Variants in PIEZO2 observed in about 807,000 individuals in gnomAD.
PIEZO2 encodes piezo type mechanosensitive ion channel component 2, also known as piezo-type mechanosensitive ion channel component 2.
Under a neutral mutation model 337.3 loss-of-function variants are expected in PIEZO2, and 172 were observed. The ratio of observed to expected loss-of-function variants is 0.51; its 90% CI spans 0.45 to 0.58. The LOEUF is 0.58. Among genes scored for constraint, PIEZO2 ranks in the 20% least tolerant of loss-of-function variants. The pLI is 0.00. For synonymous variants in PIEZO2, 1,251 were observed against 1,228.5 expected, an observed-to-expected ratio of 1.02 and a Z score of -0.38; for missense variants, 3,028 against 3,391.3, an observed-to-expected ratio of 0.89 and a Z score of 2.66.
chr18:11,068,239 G>A (rs1056358023), intron 1 of PIEZO2, among the ~76,000 whole-genome samples: 1 of 152,118 alleles, frequency 6.6e-6, no homozygotes, highest in Non-Finnish European at 1.5e-5. Context: ...TTCTTCTTAA[G>A]CACACATGGA....
chr18:10,691,096 G>T, intron 48 of PIEZO2, 129 bp downstream of exon 48: 1 of 1,104,010 alleles, frequency 9.1e-7, no homozygotes, highest in East Asian at 2.4e-5. Context: ...TGCCAACATC[G>T]TAAGAGTTCC....
chr18:11,100,991 T>C (rs1028974912), intron 1 of PIEZO2, among the ~76,000 whole-genome samples: 2 of 152,170 alleles, frequency 1.3e-5, no homozygotes, highest in Non-Finnish European at 2.9e-5. Context: ...CAGGGGGTCA[T>C]AGTTAACTCA....
At chr18:11,061,997 G>A (rs143794380) in intron 2 of PIEZO2, among the ~76,000 whole-genome samples, 98,834 of 151,908 alleles carry the variant, frequency 0.65, 32,821 homozygotes, top group East Asian at 0.97. Flanking sequence ...CATGCTACCT[G>A]ACTTCGAACT....
chr18:10,729,092 G>A (rs2036661592), intron 36 of PIEZO2, among the ~76,000 whole-genome samples: 1 of 152,096 alleles, frequency 6.6e-6, no homozygotes. Flanking sequence ...TGAGGTGACT[G>A]GGTTGGGGCA....
At chr18:10,995,009 T>C (rs570498925) in intron 2 of PIEZO2, among the ~76,000 whole-genome samples, 1 of 142,084 alleles carries the variant, frequency 7.0e-6, no homozygotes, top group African/African-American at 2.7e-5. Flanking sequence ...GAGGCGGAGG[T>C]TGCAGATCTC....
intron 39 of PIEZO2, 87 bp downstream of exon 39, chr18:10,714,677 C>A: frequency 7.0e-7 from 1 of 1,437,182 alleles, no homozygotes; most frequent in South Asian, 1.4e-5. Context: ...GATGAACTTT[C>A]ACCTCACACA....
Position 11,148,518 on chromosome 18 carries a change from G to A in PIEZO2, c.64+7C>T, listed in dbSNP as rs977255477. The A allele has an allele frequency of 9.1e-6, 14 of 1,537,092 alleles. No homozygotes were observed. The African/African-American group carries it at 1.9e-4, about 21-fold the overall frequency. On this transcript the variant is annotated splice_region_variant and intron_variant, in intron 1 of 55. Coordinates refer to ENST00000674853, the MANE Select transcript of PIEZO2 (RefSeq NM_001378183.1). This position sits in a 1 kb window ranked among gnomAD's most constrained non-coding sequence, Gnocchi z 5.2. ...TCAAGTGCCCTCGGAAAGCGGACCA[G>A]ACTCACCTACTGCCAGGCAGATGGG...
chr18:10,720,627 G>GA (rs987600306), intron 36 of PIEZO2, among the ~76,000 whole-genome samples: 2 of 150,534 alleles, frequency 1.3e-5, no homozygotes, highest in Non-Finnish European at 3.0e-5. Context: ...ACTATATTAA[G>GA]AAAAAATCTT....
chr18:10,977,890 G>A (rs532400987), intron 3 of PIEZO2, among the ~76,000 whole-genome samples: 1 of 152,186 alleles, frequency 6.6e-6, no homozygotes, highest in Non-Finnish European at 1.5e-5. Flanking sequence ...ACAGAAAGTA[G>A]GTTAGTGGTT....
chr18:10,785,018 T>A (rs997812531), intron 16 of PIEZO2, 61 bp from the exon 17 acceptor site: 2 of 1,469,680 alleles, frequency 1.4e-6, no homozygotes, highest in African/African-American at 2.8e-5. Flanking sequence ...TCACAAACTC[T>A]TTGTGATAAA....
intron 27 of PIEZO2, among the ~76,000 whole-genome samples, chr18:10,753,517 G>C (rs1055537371): frequency 1.3e-5 from 2 of 152,214 alleles, no homozygotes; most frequent in African/African-American, 4.8e-5. Context: ...AGCAGCTCTA[G>C]CCTGCGGGTC....
chr18:10,857,577 A>G (rs1215481203), intron 5 of PIEZO2, among the ~76,000 whole-genome samples: 1 of 152,216 alleles, frequency 6.6e-6, no homozygotes, highest in African/African-American at 2.4e-5. Context: ...CACCAAGGTG[A>G]TAAGAAGTTT....
At chr18:10,803,752 T>C (rs2039902940) in intron 9 of PIEZO2, 123 bp downstream of exon 9, 1 of 1,250,582 alleles carries the variant, frequency 8.0e-7, no homozygotes, top group African/African-American at 1.5e-5. Flanking sequence ...AAATCACTGT[T>C]TCTATAAACT....
chr18:11,060,005 A>G (rs1293634161), intron 2 of PIEZO2, among the ~76,000 whole-genome samples: 1 of 152,180 alleles, frequency 6.6e-6, no homozygotes, highest in Non-Finnish European at 1.5e-5. Flanking sequence ...ACATAGTTGG[A>G]AGTAAAGCAC....
rs557615054 is a variant in PIEZO2 at position 10,937,152 on chromosome 18, T to C, written c.287-25924A>G. Among the ~76,000 whole-genome samples, 3 of 152,246 alleles carry C rather than the reference T, an allele frequency of 2.0e-5. No individual in the cohort carries two copies. The East Asian group carries it at 5.8e-4, about 29-fold the overall frequency. ...GTAATGACCAGGAGATGGCAAAAAA[T>C]TAAACATAGCTCCTTGAAATAGTTC... On this transcript the variant is annotated intron_variant, in intron 3 of 55. Coordinates refer to ENST00000674853, the MANE Select transcript of PIEZO2 (RefSeq NM_001378183.1).
rs139137044 is a variant in PIEZO2 at position 11,119,288 on chromosome 18, C to T, written c.64+29237G>A. 3.3e-4 allele frequency among the ~76,000 whole-genome samples: 50 copies of T among 152,036 alleles called. 1 individual carries two copies. The highest frequency in any genetic ancestry group is 5.6e-4 in the Non-Finnish European group (38 of 67,996). On this transcript the variant is annotated intron_variant, in intron 1 of 55. Transcript: ENST00000674853. ...ACAGCCTCTTAAGTAGCTGGGACTA[C>T]AGGCCCATGCCCAGCTAATTTTTGT...
chr18:11,059,849 G>A (rs542447003), intron 2 of PIEZO2, among the ~76,000 whole-genome samples: 1,533 of 152,238 alleles, frequency 0.01, 5 homozygotes, highest in Middle Eastern at 0.024. Flanking sequence ...ACAGATCAAT[G>A]AGACAGAAAG....
At chr18:11,015,823 C>A (rs997226254) in intron 2 of PIEZO2, among the ~76,000 whole-genome samples, 1 of 152,164 alleles carries the variant, frequency 6.6e-6, no homozygotes, top group African/African-American at 2.4e-5. Context: ...CGAACACACA[C>A]AAAAAACCCT....
intron 20 of PIEZO2, among the ~76,000 whole-genome samples, chr18:10,772,350 G>A (rs2038633768): frequency 6.6e-6 from 1 of 152,210 alleles, no homozygotes. Context: ...TGAGAGAAAA[G>A]TGGCTGAGCA....
Sources: gnomAD v4.1 joint callset for allele counts (sites outside exome capture counted in the v4.1 genomes callset) on GRCh38, gnomAD v4.1.1 for gene constraint, Gnocchi (gnomAD v3.1) non-coding constraint, MANE v1.5 for transcripts, NCBI Gene and HGNC (gene_info 2026-07-23, HGNC 2026-07-21) for gene names.